The following EPC1 variants were observed in gnomAD, a reference collection of about 807,000 sequenced individuals.
EPC1 encodes enhancer of polycomb 1, also known as enhancer of polycomb homolog 1.
In EPC1, 12 loss-of-function variants were observed where a neutral mutation model predicts 98.4. That is an observed-to-expected ratio of 0.12 (90% CI 0.08 to 0.20). The LOEUF (loss-of-function observed/expected upper bound fraction) is 0.20, where lower values mean the gene tolerates loss of function less well. Ranked by LOEUF, EPC1 falls within the 10% of genes least tolerant of loss-of-function variation. The pLI, the probability that EPC1 is intolerant of heterozygous loss-of-function variation, is 1.00. For synonymous variants in EPC1, 357 were observed against 363.9 expected (o/e 0.98, Z 0.21); for missense variants, 729 against 990.5 (o/e 0.74, Z 3.54).
upstream of EPC1, among the ~76,000 whole-genome samples, chr10:32,350,100 C>T (rs919321499): frequency 6.6e-6 from 1 of 152,144 alleles, no homozygotes; most frequent in African/African-American, 2.4e-5. Context: ...GTATCCCCAA[C>T]AAAAGTGATG....
Position 32,310,280 on chromosome 10 carries a change from T to C in EPC1, c.154-4349A>G, listed in dbSNP as rs186709776. ...TTGGCTCCACAGTTTACTAACTCTATGACTTTGGGACTTGGGATAAATTAT... is the reference window on the plus strand; with the variant it reads ...TTGGCTCCACAGTTTACTAACTCTACGACTTTGGGACTTGGGATAAATTAT... On this transcript the variant is annotated intron_variant, in intron 1 of 13. Transcript: ENST00000319778. 3.4e-3 allele frequency among the ~76,000 whole-genome samples: 524 copies of C among 152,326 alleles called. 1 individual carries two copies. Among genetic ancestry groups the C allele is most frequent in the Non-Finnish European group, 4.8e-3 (325 of 68,032 alleles).
rs1407770471 is a variant in EPC1, at chr10:32,268,673, GC to G, written c.*389del. 1 of 164,404 alleles carries G rather than the reference GC, an allele frequency of 6.1e-6. No individual in the cohort carries two copies. The highest frequency in any genetic ancestry group is 2.4e-5 in the African/African-American group (1 of 41,438). The allele number at this position is 164,404 out of a possible 1,614,324, so 10.2% of individuals were successfully genotyped here. A position where few individuals can be genotyped will look rare whatever the true frequency, so the allele number is the denominator to read the frequency against. The stretch of plus-strand genomic sequence containing the variant: ...ATAAATAGATAAAACAGCAGGTTCC[GC>G]ACCATGCACATGATGTGATGACACT... On this transcript the variant is annotated 3_prime_UTR_variant, in exon 14 of 14. Transcript: ENST00000319778.
At chr10:32,293,297 T>C (rs934218313) in intron 3 of EPC1, 103 bp from the exon 4 acceptor site, 4 of 950,742 alleles carry the variant, frequency 4.2e-6, no homozygotes, top group African/African-American at 3.3e-5. Flanking sequence ...ACAACATTAT[T>C]AACAAATGGG....
At chr10:32,373,580 C>T (rs755700801) in intron 1 of EPC1, among the ~76,000 whole-genome samples, 10 of 152,148 alleles carry the variant, frequency 6.6e-5, no homozygotes, top group African/African-American at 1.2e-4. Context: ...GCACGTCCTA[C>T]AAACCTGGCC....
At chr10:32,302,644 C>A (rs1298426614) in intron 2 of EPC1, among the ~76,000 whole-genome samples, 5 of 73,648 alleles carry the variant, frequency 6.8e-5, no homozygotes, top group Non-Finnish European at 5.1e-5. Context: ...AGTGAGACTC[C>A]ATCTCAAAAA....
chr10:32,293,909 A>C (rs896455473), intron 2 of EPC1, among the ~76,000 whole-genome samples, 172 bp from the exon 3 acceptor site: 13 of 152,216 alleles, frequency 8.5e-5, no homozygotes, highest in African/African-American at 3.1e-4. Context: ...TACACATTTA[A>C]AGTTAAAGAA....
At chr10:32,342,538 A>G (rs1462115981) in intron 1 of EPC1, among the ~76,000 whole-genome samples, 5 of 152,220 alleles carry the variant, frequency 3.3e-5, no homozygotes, top group African/African-American at 1.2e-4. Context: ...GTGGGAGTAT[A>G]AAGACCATCC....
chr10:32,288,646 C>A (rs189630359), intron 6 of EPC1, among the ~76,000 whole-genome samples: 5 of 152,014 alleles, frequency 3.3e-5, no homozygotes, highest in Admixed American at 3.3e-4. Context: ...CTGCTGCACC[C>A]GGCCTAAAGT....
In EPC1 at chr10:32,342,636, G is replaced by C. The variant is rs187184300; in HGVS notation, c.153+4127C>G. Among the ~76,000 whole-genome samples the C allele has an allele frequency of 6.6e-5, 10 of 152,302 alleles. No homozygotes were observed. The East Asian group carries it at 1.9e-3, about 29-fold the overall frequency. ...CAGTTTCAAAGGTGACTGTAGGGTAGTATCAATATGAAAACATCATTAACA... is the reference window on the plus strand; with the variant it reads ...CAGTTTCAAAGGTGACTGTAGGGTACTATCAATATGAAAACATCATTAACA... On this transcript the variant is annotated intron_variant, in intron 1 of 13. Coordinates refer to ENST00000319778, the MANE Select transcript of EPC1 (RefSeq NM_001272004.3).
chr10:32,315,482 T>C (rs1307499336), intron 1 of EPC1, among the ~76,000 whole-genome samples: 1 of 152,202 alleles, frequency 6.6e-6, no homozygotes, highest in Non-Finnish European at 1.5e-5. Context: ...ACCTTTTTGG[T>C]TACTGAATTA....
rs145898442 is a variant in EPC1, at chr10:32,327,014, AAAAAT to A, written c.153+19744_153+19748del. 4.8e-3 allele frequency among the ~76,000 whole-genome samples: 682 copies of A among 141,702 alleles called. 9 individuals are homozygous for A. The highest frequency in any genetic ancestry group is 9.3e-3 in the African/African-American group (367 of 39,508). The allele number at this position is 141,702 out of a possible 152,430, so 93.0% of individuals were successfully genotyped here. A position where few individuals can be genotyped will look rare whatever the true frequency, so the allele number is the denominator to read the frequency against. On this transcript the variant is annotated intron_variant, in intron 1 of 13. Transcript: ENST00000319778. Reference sequence around the variant, plus strand: ...AGGGTCCTCAAAAAAAAAAAAAAAAAAAAATCAATGTAAATTACCATCAATAGATG... The same window carrying A: ...AGGGTCCTCAAAAAAAAAAAAAAAAACAATGTAAATTACCATCAATAGATG...
intron 1 of EPC1, among the ~76,000 whole-genome samples, chr10:32,327,061 T>TCACACA (rs1564548810): frequency 5.1e-4 from 20 of 39,138 alleles, no homozygotes; most frequent in East Asian, 1.3e-3. Flanking sequence ...GAAAATGTGG[T>TCACACA]GACACACACA....
intron 1 of EPC1, among the ~76,000 whole-genome samples, chr10:32,340,052 C>T (rs1031648716): frequency 1.4e-4 from 22 of 152,352 alleles, no homozygotes; most frequent in African/African-American, 5.1e-4. Context: ...CCTAGATTCA[C>T]TCTAAGGTCA....
chr10:32,334,071 C>T (rs1028663552), intron 1 of EPC1, among the ~76,000 whole-genome samples: 3 of 152,264 alleles, frequency 2.0e-5, no homozygotes, highest in African/African-American at 7.2e-5. Flanking sequence ...GAAACAACCA[C>T]ATGCCCAAAG....
At chr10:32,328,828 T>A (rs186939320) in intron 1 of EPC1, among the ~76,000 whole-genome samples, 1 of 152,332 alleles carries the variant, frequency 6.6e-6, no homozygotes, top group East Asian at 1.9e-4. Flanking sequence ...ATCCTGTCCC[T>A]GTTATTTCAA....
chr10:32,273,415 G>T, intron 10 of EPC1, 134 bp from the exon 11 acceptor site: 1 of 1,132,512 alleles, frequency 8.8e-7, no homozygotes, highest in Non-Finnish European at 1.2e-6. Context: ...TCCTGCTAAA[G>T]ATCACTTCCA....
At position 32,273,240 on chromosome 10, in the gene EPC1, C is replaced by T; in HGVS notation, c.1786G>A (p.Ala596Thr). 6.2e-7 allele frequency: 1 copy of T among 1,613,738 alleles called. No homozygotes were observed. Among genetic ancestry groups the T allele is most frequent in the Non-Finnish European group, 8.5e-7 (1 of 1,179,638 alleles). ...EQYQQHQQQL[A>T]LMQKQQLAQI... ...GCAAGCTGCTGTTTCTGCATGAGTG[C>T]CAGTTGCTGTTGATGTTGCTGGTAT... The change falls in exon 11 of 14, where the codon GCA (alanine) becomes ACA (threonine). Residue 596 changes from alanine to threonine, a missense_variant. Physicochemically the swap from Ala to Thr is moderately conservative, Grantham distance 58. This residue lies in a region of EPC1 where 390 missense variants were observed against 438.6 expected (regional missense o/e 0.89). Coordinates refer to ENST00000319778, the MANE Select transcript of EPC1 (RefSeq NM_001272004.3).
chr10:32,371,671 G>T (rs1016037604), intron 1 of EPC1, among the ~76,000 whole-genome samples: 6 of 152,162 alleles, frequency 3.9e-5, no homozygotes, highest in Non-Finnish European at 7.4e-5. Context: ...GGCCGAGGCG[G>T]GTGGATCACC....
chr10:32,320,801 G>C lies in EPC1; in HGVS notation c.154-14870C>G, dbSNP rs946580750. 5.3e-5 allele frequency among the ~76,000 whole-genome samples: 8 copies of C among 151,922 alleles called. No individual in the cohort carries two copies. In the East Asian group the frequency reaches 1.5e-3, roughly 29 times the overall value. On this transcript the variant is annotated intron_variant, in intron 1 of 13. Transcript: ENST00000319778. The stretch of plus-strand genomic sequence containing the variant: ...AGGATTTCACTGTGTTGGCCAGGCT[G>C]GTCTCCAACTCCTGGACTCAAGTGA...
Sources: gnomAD v4.1 joint callset for allele counts (sites outside exome capture counted in the v4.1 genomes callset) on GRCh38, gnomAD v4.1.1 for gene constraint, gnomAD v4.1.1 regional missense constraint, MANE v1.5 for transcripts, NCBI Gene and HGNC (gene_info 2026-07-23, HGNC 2026-07-21) for gene names.